Variants in PRPF39 observed in about 807,000 individuals in gnomAD.
The protein encoded by PRPF39 is pre-mRNA processing factor 39.
A neutral mutation model predicts 82.1 loss-of-function variants in PRPF39; 27 were observed. The observed-to-expected ratio is 0.33, with a 90% CI of 0.24 to 0.45. The LOEUF (loss-of-function observed/expected upper bound fraction) is 0.45. PRPF39 is among the 20% of genes least tolerant of loss of function. PRPF39 has a pLI of 1.00. For missense variants in PRPF39, 581 were observed against 796.9 expected (o/e 0.73, Z 3.26); for synonymous variants, 261 against 256.4 (o/e 1.02, Z -0.17).
intron 4 of PRPF39, among the ~76,000 whole-genome samples, chr14:45,100,609 T>C (rs1452707101): frequency 6.6e-6 from 1 of 152,246 alleles, no homozygotes; most frequent in African/African-American, 2.4e-5. Context: ...GTCTGGTTAA[T>C]TTTCTGAATC....
intron 4 of PRPF39, among the ~76,000 whole-genome samples, chr14:45,098,100 A>AT (rs1032087432): frequency 2.6e-5 from 4 of 151,382 alleles, no homozygotes; most frequent in South Asian, 2.1e-4. Flanking sequence ...CAGCTTCAGT[A>AT]TTTTTTTTTA....
Position 45,088,865 on chromosome 14 carries a change from T to C in PRPF39, c.-20+4616T>C, listed in dbSNP as rs369370799. 1.4e-4 allele frequency among the ~76,000 whole-genome samples: 21 copies of C among 152,352 alleles called. No homozygotes were observed. The East Asian group carries it at 3.7e-3, about 27-fold the overall frequency. ...TACATTAAAGTGTCATAAAACCATA[T>C]ACTTTTACTATGCAAAGCACTGTGC... On this transcript the variant is annotated intron_variant, in intron 1 of 13. Transcript: ENST00000355765.
intron 1 of PRPF39, among the ~76,000 whole-genome samples, chr14:45,089,692 C>T (rs1001557116): frequency 3.3e-5 from 5 of 152,198 alleles, no homozygotes; most frequent in African/African-American, 1.2e-4. Flanking sequence ...AGACAGGAGC[C>T]ACTATGCCTG....
intron 4 of PRPF39, among the ~76,000 whole-genome samples, 198 bp downstream of exon 4, chr14:45,097,203 C>G (rs1407830384): frequency 2.6e-5 from 4 of 152,086 alleles, no homozygotes; most frequent in African/African-American, 9.7e-5. Context: ...CCTCTTATGT[C>G]CCCAATTCCA....
At chr14:45,114,828 A>T in intron 13 of PRPF39, 29 bp from the exon 14 acceptor site, 2 of 1,549,984 alleles carry the variant, frequency 1.3e-6, no homozygotes, top group Non-Finnish European at 1.8e-6. Context: ...CAGTTCTAAT[A>T]TGCTAACATA....
At chr14:45,099,093 GC>G (rs1243983552) in intron 4 of PRPF39, among the ~76,000 whole-genome samples, 2 of 152,186 alleles carry the variant, frequency 1.3e-5, no homozygotes, top group Non-Finnish European at 2.9e-5. Context: ...CTCTGTGGAA[GC>G]TGTTAGGATG....
chr14:45,095,075 A>G (rs965107161), intron 1 of PRPF39, 146 bp from the exon 2 acceptor site: 9 of 472,366 alleles, frequency 1.9e-5, no homozygotes, highest in Non-Finnish European at 3.0e-5. Flanking sequence ...AAACTAATGA[A>G]CCTTCTGATT....
intron 7 of PRPF39, 63 bp from the exon 8 acceptor site, chr14:45,109,553 G>A (rs1884642569): frequency 7.2e-7 from 1 of 1,383,254 alleles, no homozygotes; most frequent in Non-Finnish European, 9.9e-7. Flanking sequence ...TATTAACACT[G>A]TACATGTGCA....
chr14:45,109,919 T>A (rs1181892890), intron 8 of PRPF39, 139 bp downstream of exon 8: 7 of 1,518,640 alleles, frequency 4.6e-6, no homozygotes, highest in Admixed American at 4.9e-5. Context: ...CAACCAGATT[T>A]GACTGCTGCA....
chr14:45,114,386 G>A lies in PRPF39; in HGVS notation c.1833-108G>A, dbSNP rs1219796507. On this transcript the variant is annotated intron_variant, in intron 12 of 13. Transcript: ENST00000355765. The stretch of plus-strand genomic sequence containing the variant: ...TATTTTCATGATTTGAAAAAGTCTT[G>A]AGTGATTCAGAACTTCAGTAAAACA... 3.0e-6 allele frequency: 4 copies of A among 1,349,914 alleles called. No individual in the cohort carries two copies. The East Asian group carries it at 9.6e-5, about 33-fold the overall frequency. 83.6% of individuals were successfully genotyped at this position (1,349,914 alleles called of 1,614,324 possible).
intron 5 of PRPF39, 119 bp from the exon 6 acceptor site, chr14:45,107,332 A>G: frequency 1.4e-6 from 1 of 704,476 alleles, no homozygotes; most frequent in East Asian, 2.9e-5. Context: ...GAGAAAAGGT[A>G]TGATATTTTG....
rs533575773 is a variant in PRPF39 at position 45,106,895 on chromosome 14, T to C, written c.738-556T>C. Among the ~76,000 whole-genome samples, 16 of 152,302 alleles carry C rather than the reference T, an allele frequency of 1.1e-4. No homozygotes were observed. In the South Asian group the frequency reaches 2.7e-3, roughly 26 times the overall value. ...CCATTTAATTTTATATATGAGGTAA[T>C]TGATAATCTTAATTGGGCAGTTTCA... On this transcript the variant is annotated intron_variant, in intron 5 of 13. Transcript: ENST00000355765.
chr14:45,096,318 G>C, intron 3 of PRPF39, 90 bp downstream of exon 3: 1 of 1,292,424 alleles, frequency 7.7e-7, no homozygotes, highest in Non-Finnish European at 1.0e-6. Context: ...TTTTTTTTTG[G>C]CTGGCAGTAC....
intron 1 of PRPF39, among the ~76,000 whole-genome samples, chr14:45,086,887 G>C (rs371623816): frequency 1.6e-5 from 2 of 128,678 alleles, no homozygotes; most frequent in Non-Finnish European, 3.2e-5. Flanking sequence ...CCCACAATAA[G>C]ATGTACATGG....
intron 5 of PRPF39, among the ~76,000 whole-genome samples, chr14:45,105,909 T>A (rs1432600660): frequency 6.6e-6 from 1 of 152,192 alleles, no homozygotes; most frequent in Non-Finnish European, 1.5e-5. Context: ...AAGGTCATTT[T>A]ATGTTTATCC....
rs1215495366 is a variant in PRPF39 at position 45,110,444 on chromosome 14, AT to A, written c.1304-103del. On this transcript the variant is annotated intron_variant, in intron 9 of 13. Transcript: ENST00000355765. The surrounding 1 kb of genome is among the most constrained non-coding windows in gnomAD (Gnocchi z 4.0). ...TAAATATGCATGGCTGTTTCCCATT[AT>A]TAGTTGCTGGATTTAGCCCATGGGT... The A allele has an allele frequency of 2.7e-5, 34 of 1,276,032 alleles. No individual in the cohort carries two copies. In the East Asian group the frequency reaches 8.6e-4, roughly 32 times the overall value. 79.0% of individuals were successfully genotyped at this position (1,276,032 alleles called of 1,614,324 possible).
chr14:45,112,269 T>G (rs1884720321), intron 10 of PRPF39, 49 bp from the exon 11 acceptor site: 4 of 1,421,370 alleles, frequency 2.8e-6, no homozygotes, highest in Middle Eastern at 1.9e-4. Flanking sequence ...ATATCTGTGC[T>G]CTAATAAAAA....
Position 45,116,242 on chromosome 14 carries a change from TTGG to T in PRPF39, c.*1333_*1335del. 1 of 1,612,774 alleles carries T rather than the reference TTGG, an allele frequency of 6.2e-7. No individual in the cohort carries two copies. The highest frequency in any genetic ancestry group is 8.5e-7 in the Non-Finnish European group (1 of 1,178,960). On this transcript the variant is annotated 3_prime_UTR_variant, in exon 14 of 14. Transcript: ENST00000355765. ...TCCACTTCAAAAGTGAGTTTTGCATTTGGTGGAATTCTGTTGAAGAAGTCAAGG... is the reference window on the plus strand; with the variant it reads ...TCCACTTCAAAAGTGAGTTTTGCATTTGGAATTCTGTTGAAGAAGTCAAGG...
At position 45,109,666 on chromosome 14, in the gene PRPF39, A is replaced by G. The variant is rs1169635737; in HGVS notation, c.1062A>G (p.Lys354=). 1.2e-6 allele frequency: 2 copies of G among 1,608,166 alleles called. No individual in the cohort carries two copies. Among genetic ancestry groups the G allele is most frequent in the African/African-American group, 2.7e-5 (2 of 74,844 alleles). The part of the protein sequence containing the change: ...HVKPLEKAQL[K]NWKEYLEFEI... ...AACCTTTGGAAAAGGCACAACTAAA[A>G]AACTGGAAAGAATACTTAGAATTTG... The change falls in exon 8 of 14, where the codon AAA becomes AAG. Residue 354 remains lysine (K), a synonymous_variant. Coordinates refer to ENST00000355765, the MANE Select transcript of PRPF39 (RefSeq NM_017922.4).
Sources: allele counts gnomAD v4.1 joint callset (sites outside exome capture counted in the v4.1 genomes callset), GRCh38; gene constraint gnomAD v4.1.1; non-coding constraint Gnocchi (gnomAD v3.1); transcripts MANE v1.5; gene names NCBI Gene and HGNC (gene_info 2026-07-23, HGNC 2026-07-21).